The following TMEM132C variants were observed in gnomAD, a reference collection of about 807,000 sequenced individuals.
TMEM132C encodes protein phosphatase 1, regulatory subunit 152.
In TMEM132C, 29 loss-of-function variants were observed where a neutral mutation model predicts 61.4. The ratio of observed to expected loss-of-function variants is 0.47; its 90% confidence interval spans 0.35 to 0.64. The LOEUF is 0.64. TMEM132C is among the 30% of genes least tolerant of loss of function. The pLI, the probability that TMEM132C is intolerant of heterozygous loss-of-function variation, is 0.00. For missense variants in TMEM132C, 1,408 were observed against 1,476.9 expected (o/e 0.95, Z 0.76); for synonymous variants, 656 against 633.1 (o/e 1.04, Z -0.54).
chr12:128,509,528 G>T (rs188556793), intron 2 of TMEM132C, among the ~76,000 whole-genome samples: 1 of 152,302 alleles, frequency 6.6e-6, no homozygotes, highest in Admixed American at 6.5e-5. Flanking sequence ...ACAAGAAGGA[G>T]GCAGTTTTTG....
intron 3 of TMEM132C, among the ~76,000 whole-genome samples, chr12:128,592,613 G>C (rs185026429): frequency 3.8e-4 from 58 of 152,370 alleles, no homozygotes; most frequent in Non-Finnish European, 6.9e-4. Flanking sequence ...GCAGTTTTAA[G>C]AGATGCTAAG....
intron 1 of TMEM132C, among the ~76,000 whole-genome samples, chr12:128,277,546 C>G (rs1021627516): frequency 6.6e-6 from 1 of 152,230 alleles, no homozygotes; most frequent in Non-Finnish European, 1.5e-5. Flanking sequence ...TGATGCAGAT[C>G]TTGGGCACAG....
chr12:128,684,982 G>T (rs1013782475), intron 5 of TMEM132C, among the ~76,000 whole-genome samples: 2 of 152,186 alleles, frequency 1.3e-5, no homozygotes, highest in African/African-American at 4.8e-5. Context: ...CGAGAGGAAA[G>T]GGATTCTAAA....
In TMEM132C at chr12:128,669,475, AG is replaced by A. The variant is rs1433538094; in HGVS notation, c.1366del (p.Val456TrpfsTer10). ...LTGKTVAMPI[K>X]VVSVEENSAV... The stretch of plus-strand genomic sequence containing the variant: ...GGAAAGACAGTTGCCATGCCTATCA[AG>A]GTGGTCTCTGTGGAGGAGAACAGTG... On this transcript the variant is annotated frameshift_variant, in exon 5 of 9. Coordinates refer to ENST00000435159, the MANE Select transcript of TMEM132C (RefSeq NM_001136103.3). LOFTEE classifies it high-confidence loss of function. The A allele has an allele frequency of 2.6e-6, 4 of 1,551,602 alleles. No individual in the cohort carries two copies. The highest frequency in any genetic ancestry group is 1.4e-5 in the African/African-American group (1 of 73,036).
chr12:128,606,441 CT>C (rs1200853734), intron 3 of TMEM132C, among the ~76,000 whole-genome samples: 8 of 152,212 alleles, frequency 5.3e-5, no homozygotes, highest in Admixed American at 5.2e-4. Context: ...TTTATTCCCC[CT>C]GCCTGTATTT....
chr12:128,384,349 G>C (rs2135993810), intron 1 of TMEM132C, among the ~76,000 whole-genome samples: 1 of 152,280 alleles, frequency 6.6e-6, no homozygotes, highest in Middle Eastern at 3.4e-3. Context: ...GCTCTGGAGG[G>C]GTGGCTCCTC....
At position 128,638,959 on chromosome 12, in the gene TMEM132C, G is replaced by GTGA. The variant is rs1457150831; in HGVS notation, c.1305+22627_1305+22629dup. 1.3e-3 allele frequency among the ~76,000 whole-genome samples: 167 copies of GTGA among 132,880 alleles called. 1 individual carries two copies. Among genetic ancestry groups the GTGA allele is most frequent in the African/African-American group, 4.4e-3 (157 of 35,706 alleles). The allele number at this position is 132,880 out of a possible 152,430, so 87.2% of individuals were successfully genotyped here. A position where few individuals can be genotyped will look rare whatever the true frequency, so the allele number is the denominator to read the frequency against. On this transcript the variant is annotated intron_variant, in intron 4 of 8. Coordinates refer to ENST00000435159, the MANE Select transcript of TMEM132C (RefSeq NM_001136103.3). The stretch of plus-strand genomic sequence containing the variant: ...GGTGATGGTGATGATGGTGGTGATG[G>GTGA]TGATGGTGGTGATGGTGATGATGGT...
chr12:128,532,640 C>CAAAAAAAA (rs61283555), intron 2 of TMEM132C, among the ~76,000 whole-genome samples: 8 of 67,160 alleles, frequency 1.2e-4, no homozygotes, highest in Non-Finnish European at 1.5e-4. Flanking sequence ...GACTCCATCT[C>CAAAAAAAA]AAAAAAAAAA....
chr12:128,535,924 C>T (rs11613038), intron 2 of TMEM132C, among the ~76,000 whole-genome samples: 40,838 of 151,524 alleles, frequency 0.27, 6,652 homozygotes, highest in South Asian at 0.38. Context: ...GAAATAGGAA[C>T]GCTTTTACAC....
chr12:128,495,875 A>G (rs1871934070), intron 2 of TMEM132C, among the ~76,000 whole-genome samples: 1 of 152,154 alleles, frequency 6.6e-6, no homozygotes, highest in Non-Finnish European at 1.5e-5. Context: ...TCCTGTCATT[A>G]TGATGTTAGC....
At chr12:128,366,173 C>T (rs556655994) in intron 1 of TMEM132C, among the ~76,000 whole-genome samples, 92 of 152,198 alleles carry the variant, frequency 6.0e-4, no homozygotes, top group Admixed American at 9.8e-4. Flanking sequence ...AGGTGCTGTG[C>T]GTCGCTGCCT....
rs946035891 is a variant in TMEM132C at position 128,706,371 on chromosome 12, G to T, written c.*76G>T. 6.9e-7 allele frequency: 1 copy of T among 1,439,452 alleles called. No individual in the cohort carries two copies. The highest frequency in any genetic ancestry group is 2.5e-5 in the East Asian group (1 of 40,044). 89.2% of individuals were successfully genotyped at this position (1,439,452 alleles called of 1,614,324 possible). ...TGGCCCAAGTGGGGCAGAAGGCGTT[G>T]TCAGTGGGGTTAAGAAGGGACGGTC... On this transcript the variant is annotated 3_prime_UTR_variant, in exon 9 of 9. Transcript: ENST00000435159.
chr12:128,574,277 C>T (rs1360778136), intron 3 of TMEM132C, among the ~76,000 whole-genome samples: 2 of 152,244 alleles, frequency 1.3e-5, no homozygotes, highest in South Asian at 2.1e-4. Flanking sequence ...AGTTACGGCT[C>T]ATTCCAATGC....
At chr12:128,423,898 T>A (rs1204739597) in intron 2 of TMEM132C, among the ~76,000 whole-genome samples, 3 of 151,282 alleles carry the variant, frequency 2.0e-5, no homozygotes, top group Admixed American at 2.0e-4. Flanking sequence ...GGAAAAAAAT[T>A]AGCTGGGCGT....
chr12:128,378,759 C>T lies in TMEM132C; in HGVS notation c.86-35973C>T, dbSNP rs182124808. On this transcript the variant is annotated intron_variant, in intron 1 of 8. Coordinates refer to ENST00000435159, the MANE Select transcript of TMEM132C (RefSeq NM_001136103.3). ...AGAAGGTTGAGGTGATACGGTTTGT[C>T]GGTGTCCCCACCCAAATCTCATCTT... Among the ~76,000 whole-genome samples the T allele has an allele frequency of 4.6e-3, 698 of 152,214 alleles. 5 individuals carry two copies. Among genetic ancestry groups the T allele is most frequent in the Non-Finnish European group, 6.1e-3 (415 of 68,026 alleles).
intron 1 of TMEM132C, among the ~76,000 whole-genome samples, chr12:128,340,801 TTCTTTCTTTCTC>T (rs1433632991): frequency 2.4e-4 from 31 of 128,540 alleles, no homozygotes; most frequent in African/African-American, 9.2e-4. Context: ...CTCTCTCTCT[TTCTTTCTTTCTC>T]TCTTTCTTTC....
intron 4 of TMEM132C, among the ~76,000 whole-genome samples, chr12:128,663,484 G>A (rs61940590): frequency 0.52 from 78,735 of 152,062 alleles, 20,420 homozygotes; most frequent in East Asian, 0.58. Flanking sequence ...TTTCTACTCT[G>A]CAGGAGAACC....
intron 2 of TMEM132C, among the ~76,000 whole-genome samples, chr12:128,526,788 G>C (rs1230647887): frequency 6.6e-6 from 1 of 152,260 alleles, no homozygotes; most frequent in East Asian, 1.9e-4. Context: ...AGGCATTCTG[G>C]AGGAGGGAAC....
intron 1 of TMEM132C, among the ~76,000 whole-genome samples, chr12:128,397,566 G>T (rs1308522778): frequency 6.6e-6 from 1 of 152,108 alleles, no homozygotes; most frequent in South Asian, 2.1e-4. Context: ...CTTACTGTGG[G>T]TTTGCAATTT....
Sources: gnomAD v4.1 joint callset for allele counts (sites outside exome capture counted in the v4.1 genomes callset) on GRCh38, gnomAD v4.1.1 for gene constraint, MANE v1.5 for transcripts, NCBI Gene and HGNC (gene_info 2026-07-23, HGNC 2026-07-21) for gene names.